The following KCNIP1 variants were observed in gnomAD, a reference collection of about 807,000 sequenced individuals.
KCNIP1 encodes A-type potassium channel modulatory protein KCNIP1.
In KCNIP1, 18 loss-of-function variants were observed where a neutral mutation model predicts 33.0. That is an observed-to-expected ratio of 0.55 (90% CI 0.38 to 0.81). KCNIP1 has a LOEUF of 0.81. Among genes scored for constraint, KCNIP1 ranks in the 30% least tolerant of loss-of-function variants. KCNIP1 has a pLI of 0.00. For synonymous variants in KCNIP1, 93 were observed against 98.3 expected (o/e 0.95, Z 0.32); for missense variants, 238 against 271.6 (o/e 0.88, Z 0.87).
rs200532542 is a variant in KCNIP1, at chr5:170,732,761, A to G, written c.436-39A>G. On this transcript the variant is annotated intron_variant, in intron 5 of 7. Coordinates refer to ENST00000328939, the MANE Select transcript of KCNIP1 (RefSeq NM_014592.4). ...TGTCACCTAGGAAGAGCTTGACCTCATGGTTTCCACACTGTGTGCTTTTAT... is the reference window on the plus strand; with the variant it reads ...TGTCACCTAGGAAGAGCTTGACCTCGTGGTTTCCACACTGTGTGCTTTTAT... 97 of 1,383,134 alleles carry G rather than the reference A, an allele frequency of 7.0e-5. No homozygotes were observed. In the African/African-American group the frequency reaches 1.1e-3, roughly 15 times the overall value. 85.7% of individuals were successfully genotyped at this position (1,383,134 alleles called of 1,614,324 possible).
intron 1 of KCNIP1, among the ~76,000 whole-genome samples, chr5:170,516,331 C>A (rs1355779219): frequency 6.6e-6 from 1 of 152,208 alleles, no homozygotes; most frequent in Non-Finnish European, 1.5e-5. Context: ...TTGAACTGTT[C>A]TATCATCATT....
chr5:170,453,608 AGGTAGAT>A (rs1756306957), intron 1 of KCNIP1, among the ~76,000 whole-genome samples: 2 of 152,230 alleles, frequency 1.3e-5, no homozygotes, highest in African/African-American at 4.8e-5. Flanking sequence ...CTCCACTTGA[AGGTAGAT>A]GAGATCTGTG....
chr5:170,637,831 G>A (rs575177997), intron 1 of KCNIP1, among the ~76,000 whole-genome samples: 7 of 152,212 alleles, frequency 4.6e-5, no homozygotes, highest in South Asian at 2.1e-4. Flanking sequence ...GGGGCAGGCC[G>A]ACTAGAAGAA....
chr5:170,683,237 G>A (rs1193361537), intron 1 of KCNIP1, among the ~76,000 whole-genome samples: 1 of 152,126 alleles, frequency 6.6e-6, no homozygotes, highest in East Asian at 1.9e-4. Flanking sequence ...TTATATACAT[G>A]AGTTAATATA....
intron 1 of KCNIP1, among the ~76,000 whole-genome samples, chr5:170,392,641 G>C (rs1290168667): frequency 6.6e-6 from 1 of 152,200 alleles, no homozygotes; most frequent in Non-Finnish European, 1.5e-5. Flanking sequence ...TGGCCAACAT[G>C]GCGAAACCCC....
intron 1 of KCNIP1, among the ~76,000 whole-genome samples, chr5:170,479,511 A>C (rs1756927211): frequency 1.3e-5 from 2 of 152,364 alleles, no homozygotes; most frequent in South Asian, 2.1e-4. Flanking sequence ...CACCTTCTGC[A>C]AAGGACCAAG....
At chr5:170,425,363 G>T (rs1329482580) in intron 1 of KCNIP1, among the ~76,000 whole-genome samples, 1 of 152,204 alleles carries the variant, frequency 6.6e-6, no homozygotes, top group African/African-American at 2.4e-5. Context: ...GAGACAATTT[G>T]ATTCTGAAAA....
intron 1 of KCNIP1, among the ~76,000 whole-genome samples, chr5:170,580,501 T>C (rs1327451010): frequency 6.6e-6 from 1 of 152,158 alleles, no homozygotes; most frequent in Non-Finnish European, 1.5e-5. Flanking sequence ...GTCGGTAGAC[T>C]TCAGGAGCCA....
chr5:170,623,297 C>T (rs1422318159), intron 1 of KCNIP1, among the ~76,000 whole-genome samples: 2 of 152,002 alleles, frequency 1.3e-5, no homozygotes, highest in South Asian at 2.1e-4. Flanking sequence ...CTTCAACCTC[C>T]GCCTCCTGGG....
intron 1 of KCNIP1, among the ~76,000 whole-genome samples, chr5:170,522,225 T>C (rs911249631): frequency 2.0e-5 from 3 of 152,234 alleles, no homozygotes; most frequent in Admixed American, 1.3e-4. Flanking sequence ...AGGGAAGCCC[T>C]GCCCTGATCA....
At chr5:170,548,799 C>T (rs576466077) in intron 1 of KCNIP1, among the ~76,000 whole-genome samples, 52 of 152,254 alleles carry the variant, frequency 3.4e-4, no homozygotes, top group South Asian at 3.1e-3. Flanking sequence ...ACATCAGAGG[C>T]CAGGAGACTC....
At chr5:170,659,568 TCTC>T (rs1475923328) in intron 1 of KCNIP1, among the ~76,000 whole-genome samples, 1 of 152,188 alleles carries the variant, frequency 6.6e-6, no homozygotes, top group Non-Finnish European at 1.5e-5. Context: ...TTTCTCCCTT[TCTC>T]CTTCTTTGTA....
At chr5:170,545,667 G>C (rs925968556) in intron 1 of KCNIP1, among the ~76,000 whole-genome samples, 2 of 151,884 alleles carry the variant, frequency 1.3e-5, no homozygotes, top group African/African-American at 4.8e-5. Flanking sequence ...AACCCATATA[G>C]TAAGTTTGTA....
At chr5:170,536,858 G>A (rs1303922437) in intron 1 of KCNIP1, among the ~76,000 whole-genome samples, 2 of 152,206 alleles carry the variant, frequency 1.3e-5, no homozygotes, top group East Asian at 3.8e-4. Flanking sequence ...GGGGAGGGCA[G>A]GAAAGGAGGG....
intron 1 of KCNIP1, among the ~76,000 whole-genome samples, chr5:170,657,988 G>A (rs773809670): frequency 2.0e-5 from 3 of 152,186 alleles, no homozygotes; most frequent in Non-Finnish European, 4.4e-5. Context: ...GTCCTCATGA[G>A]GCTCTCTAAG....
intron 1 of KCNIP1, chr5:170,376,743 TACC>T (rs1206582488): frequency 6.6e-6 from 1 of 152,226 alleles, no homozygotes; most frequent in Admixed American, 6.5e-5. Flanking sequence ...GACGTATACG[TACC>T]ACATTTTCTT....
chr5:170,593,832 G>A (rs1178778448), intron 1 of KCNIP1, among the ~76,000 whole-genome samples: 1 of 152,154 alleles, frequency 6.6e-6, no homozygotes, highest in Admixed American at 6.5e-5. Context: ...GGAGTTTGGG[G>A]ATACATGTTT....
At chr5:170,637,533 G>T (rs965610614) in intron 1 of KCNIP1, among the ~76,000 whole-genome samples, 2 of 152,096 alleles carry the variant, frequency 1.3e-5, no homozygotes, top group Non-Finnish European at 2.9e-5. Flanking sequence ...CTGTCCCTCT[G>T]CTCTATTCCC....
intron 1 of KCNIP1, among the ~76,000 whole-genome samples, chr5:170,677,042 T>G (rs1018801854): frequency 1.3e-5 from 2 of 152,206 alleles, no homozygotes; most frequent in Non-Finnish European, 2.9e-5. Context: ...ATCTCCAGAC[T>G]ATACGTACTC....
Sources: gnomAD v4.1 joint callset for allele counts (sites outside exome capture counted in the v4.1 genomes callset) on GRCh38, gnomAD v4.1.1 for gene constraint, MANE v1.5 for transcripts, NCBI Gene and HGNC (gene_info 2026-07-23, HGNC 2026-07-21) for gene names.